Variants in PALD1 observed in about 807,000 individuals in gnomAD.
The protein encoded by PALD1 is paladin.
A neutral mutation model predicts 96.0 loss-of-function variants in PALD1; 57 were observed. That is an observed-to-expected ratio of 0.59 (90% CI 0.48 to 0.74). The LOEUF (loss-of-function observed/expected upper bound fraction) is 0.74, where lower values mean the gene tolerates loss of function less well. PALD1 is among the 30% of genes least tolerant of loss of function. The pLI is 0.00. For missense variants in PALD1, 1,063 were observed against 1,143.7 expected (o/e 0.93, Z 1.02); for synonymous variants, 464 against 473.6 (o/e 0.98, Z 0.26).
rs369703468 is a variant in PALD1 at position 70,534,818 on chromosome 10, G to A, written c.1202G>A (p.Gly401Asp). The change falls in exon 10 of 20, where the codon GGT becomes GAT. Residue 401 changes from glycine to aspartate, a missense_variant. By Grantham distance (94) the Gly-to-Asp change is moderately conservative. Transcript: ENST00000263563. ...VVLENQKKLE[G>D]IRPESPAQGS... ...TTGGAAAACCAGAAGAAGTTAGAAG[G>A]TATCCGACCGGAGAGCCCAGCCCAG... 1.4e-5 allele frequency: 22 copies of A among 1,611,850 alleles called. No homozygotes were observed. In the African/African-American group the frequency reaches 1.6e-4, roughly 12 times the overall value.
At position 70,494,915 on chromosome 10, in the gene PALD1, C is replaced by A. The variant is rs1242126695; in HGVS notation, c.-30+15856C>A. ...ATGAAGCAGCATTGGTTGCTGTATA[C>A]AATGCAACAACCTTTTGGAAAGGTA... is the stretch of plus-strand genomic sequence containing the variant. On this transcript the variant is annotated intron_variant, in intron 1 of 19. Coordinates refer to ENST00000263563, the MANE Select transcript of PALD1 (RefSeq NM_014431.3). 2.0e-5 allele frequency among the ~76,000 whole-genome samples: 3 copies of A among 152,140 alleles called. No individual in the cohort carries two copies. The East Asian group carries it at 5.8e-4, about 29-fold the overall frequency.
In PALD1 at chr10:70,509,668, C is replaced by T. The variant is rs538781330; in HGVS notation, c.-29-16255C>T. On this transcript the variant is annotated intron_variant, in intron 1 of 19. Coordinates refer to ENST00000263563, the MANE Select transcript of PALD1 (RefSeq NM_014431.3). ...ACTGAAGGGGGTGAGGGTGGCCTGG[C>T]GTGCCTGGTTGTGGGACCCACAAGG... 2.0e-4 allele frequency among the ~76,000 whole-genome samples: 30 copies of T among 152,230 alleles called. No homozygotes were observed. In the East Asian group the frequency reaches 4.1e-3, roughly 21 times the overall value.
In PALD1 at chr10:70,532,708, A is replaced by C; in HGVS notation, c.721A>C (p.Ile241Leu). 4 of 1,614,192 alleles carry C rather than the reference A, an allele frequency of 2.5e-6. No individual in the cohort carries two copies. Among genetic ancestry groups the C allele is most frequent in the Non-Finnish European group, 3.4e-6 (4 of 1,180,014 alleles). The change falls in exon 6 of 20, where the codon ATC (isoleucine) becomes CTC (leucine). Residue 241 changes from isoleucine (I) to leucine (L), a missense_variant. Ile to Leu is a conservative substitution (Grantham distance 5). Transcript: ENST00000263563. ...DLWGEPHAVA[I>L]HGEDDLHVTE... ...GTGGGGGGAGCCCCATGCTGTGGCC[A>C]TCCATGGTGAGGACGACTTGCATGT...
At chr10:70,520,021 G>A (rs1377212492) in intron 1 of PALD1, among the ~76,000 whole-genome samples, 1 of 152,162 alleles carries the variant, frequency 6.6e-6, no homozygotes. Flanking sequence ...CCTCAGCAGC[G>A]ATAGGGTCTT....
At chr10:70,494,279 T>C (rs1846150472) in intron 1 of PALD1, among the ~76,000 whole-genome samples, 1 of 152,252 alleles carries the variant, frequency 6.6e-6, no homozygotes, top group South Asian at 2.1e-4. Flanking sequence ...TACTAATTTA[T>C]ATAGTTTATT....
Position 70,564,441 on chromosome 10 carries a change from C to T in PALD1, c.2340C>T (p.Cys780=). ...TGCAGTACTTGGAGCGCTATGTCTG[C>T]CTGATTCTCTTCAACGCGTACCTCC... The part of the protein sequence containing the change: ...RSLQYLERYV[C]LILFNAYLHL... The change falls in exon 19 of 20, where the codon TGC becomes TGT. Residue 780 remains cysteine (C), a synonymous_variant. Transcript: ENST00000263563. 6.2e-7 allele frequency: 1 copy of T among 1,614,154 alleles called. No individual in the cohort carries two copies. Among genetic ancestry groups the T allele is most frequent in the Non-Finnish European group, 8.5e-7 (1 of 1,179,978 alleles).
At chr10:70,497,015 CAA>C (rs201133717) in intron 1 of PALD1, among the ~76,000 whole-genome samples, 3,689 of 105,734 alleles carry the variant, frequency 0.035, 150 homozygotes, top group African/African-American at 0.091. Flanking sequence ...GCCATATTTC[CAA>C]GTCTCGTTTC....
chr10:70,536,400 A>T (rs1847116604), intron 10 of PALD1, among the ~76,000 whole-genome samples: 1 of 152,194 alleles, frequency 6.6e-6, no homozygotes, highest in African/African-American at 2.4e-5. Context: ...GTGATTTACT[A>T]AACAGTCCCC....
chr10:70,493,446 G>T (rs1846132232), intron 1 of PALD1, among the ~76,000 whole-genome samples: 1 of 152,234 alleles, frequency 6.6e-6, no homozygotes. Flanking sequence ...TTCCTTTCCA[G>T]ATCCTCTTTT....
At chr10:70,529,364 GC>G in intron 3 of PALD1, 33 bp downstream of exon 3, 1 of 1,047,672 alleles carries the variant, frequency 9.5e-7, no homozygotes, top group Non-Finnish European at 1.5e-6. Flanking sequence ...CAGCCCGCCT[GC>G]TGCCTCCCAC....
At chr10:70,487,117 C>T (rs987965006) in intron 1 of PALD1, among the ~76,000 whole-genome samples, 1 of 147,640 alleles carries the variant, frequency 6.8e-6, no homozygotes, top group Non-Finnish European at 1.5e-5. Flanking sequence ...ATTTGACTGT[C>T]CCTCTGAGCC....
At chr10:70,501,938 T>A (rs928933341) in intron 1 of PALD1, among the ~76,000 whole-genome samples, 2 of 151,838 alleles carry the variant, frequency 1.3e-5, no homozygotes, top group African/African-American at 4.8e-5. Context: ...TTTTTTTTTT[T>A]AAACTAGACA....
chr10:70,469,836 C>T, the PALD1 span, among the ~76,000 whole-genome samples: 1 of 152,136 alleles, frequency 6.6e-6, no homozygotes, highest in African/African-American at 2.4e-5. Flanking sequence ...CTCTGTCGCC[C>T]AGGCTGGAGT....
At chr10:70,512,745 C>A (rs547641424) in intron 1 of PALD1, among the ~76,000 whole-genome samples, 1 of 152,364 alleles carries the variant, frequency 6.6e-6, no homozygotes, top group Non-Finnish European at 1.5e-5. Flanking sequence ...ACTGGGAGCA[C>A]TGTCTCCTTG....
At chr10:70,476,855 T>C (rs947595874), upstream of PALD1, among the ~76,000 whole-genome samples, 9 of 151,786 alleles carry the variant, frequency 5.9e-5, no homozygotes, top group Admixed American at 4.6e-4. Context: ...TCCCAGCATC[T>C]GCTGGGCAGG....
rs866735031 is a variant in PALD1 at position 70,523,697 on chromosome 10, T to C, written c.-29-2226T>C. ...AGATGGGGCTCTTTTAAACACAAGGTGTGTGTGTTAACGAAGCTGTCACGA... is the reference window on the plus strand; with the variant it reads ...AGATGGGGCTCTTTTAAACACAAGGCGTGTGTGTTAACGAAGCTGTCACGA... On this transcript the variant is annotated intron_variant, in intron 1 of 19. Transcript: ENST00000263563. Among the ~76,000 whole-genome samples the C allele has an allele frequency of 3.3e-5, 5 of 151,882 alleles. No individual in the cohort carries two copies. In the South Asian group the frequency reaches 8.3e-4, roughly 25 times the overall value.
chr10:70,511,838 C>A (rs1846521542), intron 1 of PALD1, among the ~76,000 whole-genome samples: 1 of 152,130 alleles, frequency 6.6e-6, no homozygotes, highest in African/African-American at 2.4e-5. Context: ...ACCAGCCTGG[C>A]CAACATGGTG....
chr10:70,489,173 C>A (rs535629796), intron 1 of PALD1, among the ~76,000 whole-genome samples: 2 of 152,112 alleles, frequency 1.3e-5, no homozygotes, highest in Admixed American at 1.3e-4. Context: ...GCCCAGCCTA[C>A]GTGGGTGGAG....
At chr10:70,518,640 CT>C (rs1484753582) in intron 1 of PALD1, among the ~76,000 whole-genome samples, 1 of 152,190 alleles carries the variant, frequency 6.6e-6, no homozygotes, top group Non-Finnish European at 1.5e-5. Flanking sequence ...AAAAAATTGA[CT>C]TGATATTGAC....
Sources: allele counts gnomAD v4.1 joint callset (sites outside exome capture counted in the v4.1 genomes callset), GRCh38; gene constraint gnomAD v4.1.1; transcripts MANE v1.5; gene names NCBI Gene and HGNC (gene_info 2026-07-23, HGNC 2026-07-21).